Variants in COL25A1 observed in about 807,000 individuals in gnomAD.
COL25A1 encodes the protein collagen type XXV alpha 1 chain, also known as collagen alpha-1(XXV) chain.
COL25A1 carries 103 observed loss-of-function variants against 128.4 expected under a neutral mutation model. The ratio of observed to expected loss-of-function variants is 0.80; its 90% CI spans 0.68 to 0.94. The LOEUF is 0.94. COL25A1 is among the 40% of genes least tolerant of loss of function. COL25A1 has a pLI of 0.00. For missense variants in COL25A1, 745 were observed against 840.0 expected, an observed-to-expected ratio of 0.89 and a Z score of 1.40; for synonymous variants, 279 against 277.2, an observed-to-expected ratio of 1.01 and a Z score of -0.06.
chr4:109,123,089 A>C (rs1768259265), intron 3 of COL25A1, among the ~76,000 whole-genome samples: 1 of 152,014 alleles, frequency 6.6e-6, no homozygotes, highest in Non-Finnish European at 1.5e-5. Flanking sequence ...AATTAATCCC[A>C]CTATTTAAGG....
At chr4:108,844,833 C>T (rs1387546962) in intron 29 of COL25A1, among the ~76,000 whole-genome samples, 1 of 152,082 alleles carries the variant, frequency 6.6e-6, no homozygotes, top group Non-Finnish European at 1.5e-5. Flanking sequence ...CCAAGAAATG[C>T]TATAATGTCA....
intron 3 of COL25A1, among the ~76,000 whole-genome samples, chr4:109,239,062 G>A (rs919990882): frequency 3.3e-5 from 5 of 151,908 alleles, no homozygotes; most frequent in Admixed American, 2.0e-4. Flanking sequence ...AGTCAAACAG[G>A]TTTCTACTGA....
intron 3 of COL25A1, among the ~76,000 whole-genome samples, chr4:109,285,075 G>T (rs369619399): frequency 3.2e-4 from 48 of 152,164 alleles, no homozygotes; most frequent in African/African-American, 1.2e-3. Flanking sequence ...GCCACATCTG[G>T]AGCTTCATTG....
intron 3 of COL25A1, among the ~76,000 whole-genome samples, chr4:109,156,604 C>T (rs1450060299): frequency 6.6e-6 from 1 of 152,084 alleles, no homozygotes; most frequent in Non-Finnish European, 1.5e-5. Context: ...ACAAAGCAAA[C>T]TCATATGTTG....
intron 3 of COL25A1, among the ~76,000 whole-genome samples, chr4:109,134,336 G>A (rs1769505080): frequency 6.6e-6 from 1 of 152,064 alleles, no homozygotes; most frequent in African/African-American, 2.4e-5. Flanking sequence ...TAGGAGTCAA[G>A]GAGAAAATTG....
At chr4:108,853,212 T>C (rs986580662) in intron 24 of COL25A1, among the ~76,000 whole-genome samples, 15 of 152,306 alleles carry the variant, frequency 9.8e-5, no homozygotes, top group African/African-American at 3.4e-4. Flanking sequence ...AGTAAAGTCA[T>C]ATATGCTAGA....
At chr4:109,093,286 A>C (rs1765089299) in intron 3 of COL25A1, among the ~76,000 whole-genome samples, 1 of 152,072 alleles carries the variant, frequency 6.6e-6, no homozygotes, top group Non-Finnish European at 1.5e-5. Context: ...TGCAACTAAA[A>C]ATCATTTGAC....
chr4:108,891,821 T>C (rs575069587), intron 16 of COL25A1, among the ~76,000 whole-genome samples: 2 of 152,184 alleles, frequency 1.3e-5, no homozygotes, highest in East Asian at 3.9e-4. Context: ...TTAATTGTAG[T>C]TGAATTCAAT....
chr4:109,173,207 C>A (rs1042942935), intron 3 of COL25A1, among the ~76,000 whole-genome samples: 2 of 151,856 alleles, frequency 1.3e-5, no homozygotes, highest in Non-Finnish European at 2.9e-5. Flanking sequence ...CCTTTCAGAC[C>A]CCTGAATAGC....
chr4:109,153,175 C>T (rs1412390898), intron 3 of COL25A1, among the ~76,000 whole-genome samples: 1 of 151,592 alleles, frequency 6.6e-6, no homozygotes, highest in Non-Finnish European at 1.5e-5. Flanking sequence ...CTCCTGAGGT[C>T]GGGAGTTCGA....
chr4:109,296,674 T>C (rs539450158), intron 3 of COL25A1, among the ~76,000 whole-genome samples: 31 of 152,094 alleles, frequency 2.0e-4, no homozygotes, highest in Non-Finnish European at 4.0e-4. Flanking sequence ...TTCCCAAAAT[T>C]GCATAATAAG....
intron 3 of COL25A1, among the ~76,000 whole-genome samples, chr4:109,275,568 G>A (rs1468533574): frequency 6.6e-6 from 1 of 152,186 alleles, no homozygotes; most frequent in African/African-American, 2.4e-5. Context: ...AGGCGCCTGA[G>A]GGAAAAGAAA....
At chr4:109,088,242 C>T (rs1764582744) in intron 3 of COL25A1, among the ~76,000 whole-genome samples, 1 of 152,022 alleles carries the variant, frequency 6.6e-6, no homozygotes. Flanking sequence ...TTAATTTCCT[C>T]AGCTTTATGA....
intron 8 of COL25A1, among the ~76,000 whole-genome samples, chr4:108,952,821 A>G (rs1436998682): frequency 1.3e-5 from 2 of 148,620 alleles, no homozygotes; most frequent in African/African-American, 5.0e-5. Flanking sequence ...AGCCTGTGAG[A>G]AAAACTCAAC....
At chr4:109,243,628 C>G (rs1461170503) in intron 3 of COL25A1, among the ~76,000 whole-genome samples, 1 of 151,858 alleles carries the variant, frequency 6.6e-6, no homozygotes, top group African/African-American at 2.4e-5. Flanking sequence ...TCAGTTATTC[C>G]AGTGACCAGC....
intron 32 of COL25A1, among the ~76,000 whole-genome samples, chr4:108,831,581 G>T (rs1006755816): frequency 6.6e-6 from 1 of 151,990 alleles, no homozygotes; most frequent in East Asian, 1.9e-4. Context: ...CTCCTGGATG[G>T]TAGGGAAATT....
chr4:108,882,535 A>C (rs781685573), intron 19 of COL25A1, among the ~76,000 whole-genome samples: 17 of 152,152 alleles, frequency 1.1e-4, no homozygotes, highest in Admixed American at 9.8e-4. Context: ...TTAAATAAAT[A>C]GTTTTTAAAT....
chr4:109,079,673 C>T (rs1763665852), intron 3 of COL25A1, among the ~76,000 whole-genome samples: 1 of 151,832 alleles, frequency 6.6e-6, no homozygotes, highest in Non-Finnish European at 1.5e-5. Flanking sequence ...CTCTTCACTG[C>T]AAAACTTAAG....
chr4:109,033,019 A>G (rs1014720376), intron 5 of COL25A1, among the ~76,000 whole-genome samples: 2 of 152,260 alleles, frequency 1.3e-5, no homozygotes, highest in African/African-American at 4.8e-5. Flanking sequence ...AAATTAGGCT[A>G]TCCCACCAGG....
Sources: allele counts gnomAD v4.1 joint callset (sites outside exome capture counted in the v4.1 genomes callset), GRCh38; gene constraint gnomAD v4.1.1; transcripts MANE v1.5; gene names NCBI Gene and HGNC (gene_info 2026-07-23, HGNC 2026-07-21).